TBC1D4: variants seen among roughly 807,000 people sequenced by gnomAD.
TBC1D4 encodes the protein TBC (Tre-2, BUB2, CDC16) domain-containing protein.
In TBC1D4, 121 loss-of-function variants were observed where a neutral mutation model predicts 142.5. The observed-to-expected ratio is 0.85, with a 90% CI of 0.73 to 0.99. The LOEUF (loss-of-function observed/expected upper bound fraction) is 0.99. TBC1D4 is among the 50% of genes least tolerant of loss of function. TBC1D4 has a pLI of 0.00. For missense variants in TBC1D4, 1,475 were observed against 1,606.6 expected (o/e 0.92, Z 1.40); for synonymous variants, 630 against 628.2 (o/e 1.00, Z -0.04).
chr13:75,458,881 G>A (rs1280056017), intron 1 of TBC1D4, among the ~76,000 whole-genome samples: 1 of 151,950 alleles, frequency 6.6e-6, no homozygotes, highest in Non-Finnish European at 1.5e-5. Flanking sequence ...TCTCTGCTTG[G>A]CCTTCCCTTT....
chr13:75,479,537 A>C (rs901467809), intron 1 of TBC1D4, among the ~76,000 whole-genome samples: 6 of 152,128 alleles, frequency 3.9e-5, no homozygotes, highest in Admixed American at 6.5e-5. Flanking sequence ...GTTGAGAACT[A>C]AAGGTGCCAG....
At position 75,295,072 on chromosome 13, in the gene TBC1D4, C is replaced by A; in HGVS notation, c.3157-59G>T. 3.4e-6 allele frequency: 5 copies of A among 1,464,816 alleles called. No homozygotes were observed. The South Asian group carries it at 5.9e-5, about 17-fold the overall frequency. 90.7% of individuals were successfully genotyped at this position (1,464,816 alleles called of 1,614,324 possible). A position where few individuals can be genotyped will look rare whatever the true frequency, so the allele number is the denominator to read the frequency against. On this transcript the variant is annotated intron_variant, in intron 17 of 20. Transcript: ENST00000377636. Reference sequence around the variant, plus strand: ...TGCATTTATCTGCATGTGCATCAAACACACTGATTTTAATTTTATTCTAAT... The same window carrying A: ...TGCATTTATCTGCATGTGCATCAAAAACACTGATTTTAATTTTATTCTAAT...
At chr13:75,347,994 A>G (rs1327227794) in intron 5 of TBC1D4, among the ~76,000 whole-genome samples, 1 of 152,118 alleles carries the variant, frequency 6.6e-6, no homozygotes, top group Non-Finnish European at 1.5e-5. Context: ...TAAAAAAATT[A>G]GCTGGGTGTG....
Position 75,289,075 on chromosome 13 carries a change from G to A in TBC1D4, c.3522C>T (p.Ala1174=), listed in dbSNP as rs1423357917. Residue 1174 remains alanine (A), a synonymous_variant, in exon 20 of 21, where the codon GCC becomes GCT. Transcript: ENST00000377636. ...FEMDISKQLH[A]YEVEYHVLQD... ...GTAGCACATGATATTCCACCTCATAGGCATGCAACTGCTTAGAAATATCCA... is the reference window on the plus strand; with the variant it reads ...GTAGCACATGATATTCCACCTCATAAGCATGCAACTGCTTAGAAATATCCA... The A allele has an allele frequency of 1.9e-6, 3 of 1,613,778 alleles. No homozygotes were observed. The highest frequency in any genetic ancestry group is 1.3e-5 in the African/African-American group (1 of 74,994).
In TBC1D4 at chr13:75,284,835, TC is replaced by T. The variant is rs1444970888; in HGVS notation, c.*1956del. On this transcript the variant is annotated 3_prime_UTR_variant, in exon 21 of 21. Coordinates refer to ENST00000377636, the MANE Select transcript of TBC1D4 (RefSeq NM_014832.5). Reference sequence around the variant, plus strand: ...AAATATTGTATCCAAGTCAGCTTAATCTCTGAACACCATAATATAACTCTTA... The same window carrying T: ...AAATATTGTATCCAAGTCAGCTTAATTCTGAACACCATAATATAACTCTTA... 1 of 152,214 alleles carries T rather than the reference TC, an allele frequency of 6.6e-6. No individual in the cohort carries two copies. The highest frequency in any genetic ancestry group is 2.4e-5 in the African/African-American group (1 of 41,464). 9.4% of individuals were successfully genotyped at this position (152,214 alleles called of 1,614,324 possible).
chr13:75,356,213 C>G lies in TBC1D4; in HGVS notation c.1209G>C (p.Arg403=). The G allele has an allele frequency of 6.2e-7, 1 of 1,613,752 alleles. No homozygotes were observed. Among genetic ancestry groups the G allele is most frequent in the Non-Finnish European group, 8.5e-7 (1 of 1,179,786 alleles). ...KHVDHFGFIC[R]ESPEPGLSQY... ...GGCTAAGTCCAGGCTCTGGAGACTC[C>G]CGGCAGATAAAGCCAAAGTGATCCA... The change falls in exon 4 of 21, where the codon CGG becomes CGC. Residue 403 remains arginine (R), a synonymous_variant. Coordinates refer to ENST00000377636, the MANE Select transcript of TBC1D4 (RefSeq NM_014832.5).
chr13:75,292,488 A>G (rs1381682711), intron 18 of TBC1D4, among the ~76,000 whole-genome samples: 1 of 152,162 alleles, frequency 6.6e-6, no homozygotes, highest in Non-Finnish European at 1.5e-5. Flanking sequence ...AAGCCAGGGT[A>G]AAAAAGGACA....
At chr13:75,474,366 T>C (rs929539300) in intron 1 of TBC1D4, among the ~76,000 whole-genome samples, 6 of 152,214 alleles carry the variant, frequency 3.9e-5, no homozygotes, top group African/African-American at 1.2e-4. Context: ...GAGACCATCC[T>C]GGCTAACACG....
At chr13:75,409,842 C>T (rs1885531002) in intron 1 of TBC1D4, among the ~76,000 whole-genome samples, 1 of 152,284 alleles carries the variant, frequency 6.6e-6, no homozygotes, top group East Asian at 1.9e-4. Context: ...CCCTTCTAAT[C>T]TTAGGATGTT....
At chr13:75,380,573 G>A (rs1883781679) in intron 1 of TBC1D4, among the ~76,000 whole-genome samples, 1 of 150,900 alleles carries the variant, frequency 6.6e-6, no homozygotes, top group Admixed American at 6.6e-5. Context: ...ATGAAACACT[G>A]AATTTACAAA....
intron 1 of TBC1D4, among the ~76,000 whole-genome samples, chr13:75,369,373 C>A (rs1430475853): frequency 6.6e-6 from 1 of 151,712 alleles, no homozygotes; most frequent in African/African-American, 2.4e-5. Context: ...ATGCCTGTAG[C>A]CCCAGCTAGT....
chr13:75,431,309 T>C (rs1343891777), intron 1 of TBC1D4, among the ~76,000 whole-genome samples: 1 of 152,188 alleles, frequency 6.6e-6, no homozygotes, highest in Non-Finnish European at 1.5e-5. Context: ...ACCTGTCAAG[T>C]ATATGGGTGC....
intron 1 of TBC1D4, among the ~76,000 whole-genome samples, chr13:75,406,458 T>C (rs1047228004): frequency 1.3e-5 from 2 of 152,182 alleles, no homozygotes; most frequent in Non-Finnish European, 2.9e-5. Context: ...GCACATTGCA[T>C]GGTTTTGTCC....
At chr13:75,354,685 G>T (rs893038018) in intron 4 of TBC1D4, among the ~76,000 whole-genome samples, 9 of 152,100 alleles carry the variant, frequency 5.9e-5, no homozygotes, top group Non-Finnish European at 1.2e-4. Context: ...GTGTGGGCGT[G>T]TAGGGGATGG....
chr13:75,311,548 G>A (rs376388783), intron 13 of TBC1D4, among the ~76,000 whole-genome samples: 2 of 152,010 alleles, frequency 1.3e-5, no homozygotes, highest in African/African-American at 4.8e-5. Context: ...TGAACACTCA[G>A]TGTAACTAAT....
At chr13:75,389,034 T>C (rs562443979) in intron 1 of TBC1D4, among the ~76,000 whole-genome samples, 1 of 152,350 alleles carries the variant, frequency 6.6e-6, no homozygotes, top group Non-Finnish European at 1.5e-5. Context: ...TTTTAAGGAT[T>C]TGTGAAATTA....
intron 12 of TBC1D4, among the ~76,000 whole-genome samples, chr13:75,318,519 T>C (rs2137971428): frequency 6.6e-6 from 1 of 152,306 alleles, no homozygotes; most frequent in Admixed American, 6.5e-5. Flanking sequence ...CCTTAAGAAA[T>C]GCTAAGTAAA....
chr13:75,429,772 G>A (rs961891007), intron 1 of TBC1D4, among the ~76,000 whole-genome samples: 1 of 151,866 alleles, frequency 6.6e-6, no homozygotes, highest in Admixed American at 6.6e-5. Context: ...CTGGAGGGGA[G>A]AAAAATTGGA....
chr13:75,463,855 A>AGTAAAATGGT (rs1888067130), intron 1 of TBC1D4, among the ~76,000 whole-genome samples: 1 of 152,068 alleles, frequency 6.6e-6, no homozygotes, highest in African/African-American at 2.4e-5. Flanking sequence ...TCCCAAATCT[A>AGTAAAATGGT]CCCATTAGTA....
Sources: allele counts gnomAD v4.1 joint callset (sites outside exome capture counted in the v4.1 genomes callset), GRCh38; gene constraint gnomAD v4.1.1; transcripts MANE v1.5; gene names NCBI Gene and HGNC (gene_info 2026-07-23, HGNC 2026-07-21).